Variants in BNC2 observed in about 807,000 individuals in gnomAD.
BNC2 encodes the protein zinc finger protein basonuclin-2.
In BNC2, 20 loss-of-function variants were observed where a neutral mutation model predicts 76.3. The ratio of observed to expected loss-of-function variants is 0.26; its 90% CI spans 0.18 to 0.38. The LOEUF (loss-of-function observed/expected upper bound fraction) is 0.38, where lower values mean the gene tolerates loss of function less well. Among genes scored for constraint, BNC2 ranks in the 10% least tolerant of loss-of-function variants. BNC2 has a pLI of 1.00. For synonymous variants in BNC2, 582 were observed against 514.8 expected (o/e 1.13, Z -1.77); for missense variants, 1,382 against 1,399.8 (o/e 0.99, Z 0.20).
intron 3 of BNC2, among the ~76,000 whole-genome samples, chr9:16,676,622 C>T (rs1331553599): frequency 6.6e-6 from 1 of 152,208 alleles, no homozygotes; most frequent in Non-Finnish European, 1.5e-5. Flanking sequence ...GCCATTCAAC[C>T]AAAGTTTACT....
At chr9:16,571,650 G>C (rs377270497) in intron 4 of BNC2, among the ~76,000 whole-genome samples, 52 of 151,932 alleles carry the variant, frequency 3.4e-4, no homozygotes, top group Admixed American at 5.2e-4. Context: ...TCAGCACCCC[G>C]AGATAATAAC....
chr9:16,531,466 C>G (rs191964707), intron 5 of BNC2, among the ~76,000 whole-genome samples: 110 of 147,640 alleles, frequency 7.5e-4, no homozygotes, highest in African/African-American at 2.6e-3. Flanking sequence ...TTTTTTTAAA[C>G]AAAAACCTAG....
In BNC2 at chr9:16,435,936, A is replaced by G. The variant is rs766954279; in HGVS notation, c.2258T>C (p.Leu753Pro). 2.5e-6 allele frequency: 4 copies of G among 1,614,126 alleles called. No homozygotes were observed. The change falls in exon 6 of 7, where the codon CTG becomes CCG. Residue 753 changes from leucine to proline, a missense_variant. This residue lies in a region of BNC2 where 798 missense variants were observed against 775.5 expected (regional missense o/e 1.03). Coordinates refer to ENST00000380672, the MANE Select transcript of BNC2 (RefSeq NM_017637.6). ...HIHSEVSEKV[L>P]MNSERPDENH... Reference sequence around the variant, plus strand: ...CTCATCAGGCCTCTCACTATTCATCAGGACTTTTTCACTCACTTCGCTGTG... The same window carrying G: ...CTCATCAGGCCTCTCACTATTCATCGGGACTTTTTCACTCACTTCGCTGTG...
rs1187253578 is a variant in BNC2 at position 16,417,834 on chromosome 9, C to T, written c.*1155G>A. On this transcript the variant is annotated 3_prime_UTR_variant, in exon 7 of 7. Transcript: ENST00000380672. ...TTTGTTTTCCTTTTATGTAACTTAA[C>T]GTATAAGCAAGAAGGATGCAATGTT... The T allele has an allele frequency of 6.6e-6, 1 of 152,618 alleles. No individual in the cohort carries two copies. Among genetic ancestry groups the T allele is most frequent in the Admixed American group, 6.5e-5 (1 of 15,282 alleles). The allele number at this position is 152,618 out of a possible 1,614,324, so 9.5% of individuals were successfully genotyped here.
chr9:16,817,722 G>C (rs55933102), intron 1 of BNC2, among the ~76,000 whole-genome samples: 1 of 152,018 alleles, frequency 6.6e-6, no homozygotes, highest in Non-Finnish European at 1.5e-5. Context: ...GTAGATCCAG[G>C]ATTTACAGCT....
chr9:16,587,408 G>GC (rs1386534354), intron 3 of BNC2, among the ~76,000 whole-genome samples: 3 of 152,068 alleles, frequency 2.0e-5, no homozygotes, highest in African/African-American at 2.4e-5. Flanking sequence ...TCCATTCACA[G>GC]CAAGTTATAG....
intron 3 of BNC2, among the ~76,000 whole-genome samples, chr9:16,646,098 T>C (rs2056061342): frequency 6.6e-6 from 1 of 152,154 alleles, no homozygotes; most frequent in African/African-American, 2.4e-5. Context: ...TTTCACAACG[T>C]AAGTGAGGAT....
intron 6 of BNC2, among the ~76,000 whole-genome samples, chr9:16,428,250 G>T (rs554764825): frequency 4.6e-5 from 7 of 152,140 alleles, no homozygotes; most frequent in African/African-American, 1.7e-4. Context: ...ACGAGTGAGC[G>T]AACTGACCCA....
chr9:16,495,309 C>T lies in BNC2; in HGVS notation c.669+57221G>A, dbSNP rs78997316. ...AATATTCCCAGATATTATTTAAATT[C>T]GACATAAAATGAAACACTTTTCTGT... is the stretch of plus-strand genomic sequence containing the variant. On this transcript the variant is annotated intron_variant, in intron 5 of 6. Transcript: ENST00000380672. Among the ~76,000 whole-genome samples, 948 of 152,174 alleles carry T rather than the reference C, an allele frequency of 6.2e-3. 11 individuals carry two copies. Among genetic ancestry groups the T allele is most frequent in the African/African-American group, 0.022 (906 of 41,510 alleles).
chr9:16,512,439 T>G (rs923114984), intron 5 of BNC2, among the ~76,000 whole-genome samples: 1 of 151,988 alleles, frequency 6.6e-6, no homozygotes, highest in Admixed American at 6.6e-5. Flanking sequence ...AATGGGATAA[T>G]GCTGACACAC....
intron 1 of BNC2, among the ~76,000 whole-genome samples, chr9:16,765,991 G>A (rs193219540): frequency 0.016 from 2,478 of 152,062 alleles, 61 homozygotes; most frequent in African/African-American, 0.054. Flanking sequence ...ATTTCACCGT[G>A]TTAGCCAGGA....
At chr9:16,662,114 A>G (rs752121825) in intron 3 of BNC2, among the ~76,000 whole-genome samples, 2 of 152,248 alleles carry the variant, frequency 1.3e-5, no homozygotes, top group African/African-American at 2.4e-5. Flanking sequence ...TCAAGCTGTT[A>G]AACTCCCAAT....
In BNC2 at chr9:16,485,714, T is replaced by C. The variant is rs79776047; in HGVS notation, c.670-48190A>G. On this transcript the variant is annotated intron_variant, in intron 5 of 6. Transcript: ENST00000380672. ...GTGCATGCCTGTAGTTCCAGCTGCG[T>C]GGGAGGACTGCTTGAGCCCACGAGG... Among the ~76,000 whole-genome samples the C allele has an allele frequency of 0.021, 3,203 of 152,184 alleles. 235 individuals are homozygous for C. In the East Asian group the frequency reaches 0.28, roughly 13 times the overall value.
At chr9:16,818,158 A>G (rs1313768297) in intron 1 of BNC2, among the ~76,000 whole-genome samples, 3 of 152,202 alleles carry the variant, frequency 2.0e-5, no homozygotes, top group Non-Finnish European at 4.4e-5. Flanking sequence ...TAATCCCAGC[A>G]CTTTGGGAGG....
At chr9:16,639,821 C>T (rs1821437933) in intron 3 of BNC2, among the ~76,000 whole-genome samples, 1 of 152,030 alleles carries the variant, frequency 6.6e-6, no homozygotes, top group Non-Finnish European at 1.5e-5. Flanking sequence ...ACTTGGAAGG[C>T]TGAAGCAGGA....
chr9:16,563,301 T>G (rs371744461), intron 4 of BNC2, among the ~76,000 whole-genome samples: 1 of 152,144 alleles, frequency 6.6e-6, no homozygotes, highest in African/African-American at 2.4e-5. Flanking sequence ...ATAAACAACA[T>G]GCCTCTAAAC....
chr9:16,773,879 A>G (rs1300226038), intron 1 of BNC2, among the ~76,000 whole-genome samples: 1 of 152,232 alleles, frequency 6.6e-6, no homozygotes, highest in African/African-American at 2.4e-5. Context: ...GCTTGCCAAC[A>G]AGTTGCAGAT....
intron 5 of BNC2, among the ~76,000 whole-genome samples, chr9:16,506,513 CTTTTTTTTTTTTTTTTTTT>C (rs568955982): frequency 4.6e-5 from 2 of 43,316 alleles, no homozygotes; most frequent in Non-Finnish European, 8.8e-5. Context: ...TCTCTCTCCT[CTTTTTTTTTTTTTTTTTTT>C]TTTTTTTTTT....
chr9:16,641,616 A>G (rs1821494191), intron 3 of BNC2, among the ~76,000 whole-genome samples: 1 of 152,226 alleles, frequency 6.6e-6, no homozygotes, highest in African/African-American at 2.4e-5. Context: ...TGCAAATTAC[A>G]TATTGGACTA....
Sources: allele counts gnomAD v4.1 joint callset (sites outside exome capture counted in the v4.1 genomes callset), GRCh38; gene constraint gnomAD v4.1.1; regional missense constraint gnomAD v4.1.1; transcripts MANE v1.5; gene names NCBI Gene and HGNC (gene_info 2026-07-23, HGNC 2026-07-21).